IKZF3: variants seen among roughly 807,000 people sequenced by gnomAD.
The protein encoded by IKZF3 is zinc finger protein Aiolos.
IKZF3 carries 10 observed loss-of-function variants against 49.0 expected under a neutral mutation model. That is an observed-to-expected ratio of 0.20 (90% CI 0.13 to 0.35). IKZF3 has a LOEUF of 0.35. Among genes scored for constraint, IKZF3 ranks in the 10% least tolerant of loss-of-function variants. IKZF3 has a pLI of 1.00. For missense variants in IKZF3, 498 were observed against 664.8 expected (o/e 0.75, Z 2.76); for synonymous variants, 209 against 228.2 (o/e 0.92, Z 0.76).
chr17:39,856,967 T>A (rs1215075813), intron 1 of IKZF3, among the ~76,000 whole-genome samples: 1 of 152,128 alleles, frequency 6.6e-6, no homozygotes, highest in Non-Finnish European at 1.5e-5. Flanking sequence ...ACACTGATCA[T>A]CTTCAATACT....
chr17:39,796,703 G>A (rs914424581), intron 3 of IKZF3, among the ~76,000 whole-genome samples: 4 of 151,046 alleles, frequency 2.6e-5, no homozygotes, highest in African/African-American at 9.7e-5. Context: ...ACCACACCTG[G>A]CTATTTTTTT....
At chr17:39,854,475 A>T (rs2062980744) in intron 1 of IKZF3, among the ~76,000 whole-genome samples, 1 of 152,204 alleles carries the variant, frequency 6.6e-6, no homozygotes, top group Non-Finnish European at 1.5e-5. Context: ...ATCCTAGATA[A>T]ATTTGAGTGT....
intron 1 of IKZF3, among the ~76,000 whole-genome samples, chr17:39,842,059 ACCAG>A (rs1568050203): frequency 5.8e-4 from 40 of 68,820 alleles, no homozygotes; most frequent in East Asian, 8.9e-4. Context: ...AAAAAAAAAA[ACCAG>A]ATAAAATATA....
chr17:39,784,409 C>CT (rs35165958), intron 6 of IKZF3, among the ~76,000 whole-genome samples: 15,150 of 144,226 alleles, frequency 0.11, 1,241 homozygotes, highest in East Asian at 0.25. Flanking sequence ...TCACTAGTGT[C>CT]TTTTTTTTTT....
rs1211244204 is a variant in IKZF3 at position 39,791,887 on chromosome 17, C to CTTTT, written c.425-308_425-305dup. Among the ~76,000 whole-genome samples the CTTTT allele has an allele frequency of 1.2e-3, 155 of 126,818 alleles. 3 individuals are homozygous for CTTTT. The highest frequency in any genetic ancestry group is 4.6e-3 in the African/African-American group (150 of 32,534). The allele number at this position is 126,818 out of a possible 152,430, so 83.2% of individuals were successfully genotyped here. On this transcript the variant is annotated intron_variant, in intron 4 of 7. Coordinates refer to ENST00000346872, the MANE Select transcript of IKZF3 (RefSeq NM_012481.5). Reference sequence around the variant, plus strand: ...ATATTACTATATTACTTGGTACTCCCTTTTTTTTTTTTTTTTTTTTTTAGA... The same window carrying CTTTT: ...ATATTACTATATTACTTGGTACTCCCTTTTTTTTTTTTTTTTTTTTTTTTTTAGA...
chr17:39,818,073 GCT>G (rs2061718108), intron 3 of IKZF3, among the ~76,000 whole-genome samples: 1 of 152,116 alleles, frequency 6.6e-6, no homozygotes. Context: ...ACAGCCTATT[GCT>G]CTTAGACTGT....
rs911499160 is a variant in IKZF3 at position 39,758,413 on chromosome 17, C to T, written c.*7377G>A. ...TGGGATCAGTCATTTTTTAGGCTGC[C>T]CCATTTTCCTAACATGTTAAAATGT... On this transcript the variant is annotated 3_prime_UTR_variant, in exon 8 of 8. Transcript: ENST00000346872. The T allele has an allele frequency of 6.6e-5, 10 of 152,090 alleles. No homozygotes were observed. Among genetic ancestry groups the T allele is most frequent in the African/African-American group, 1.9e-4 (8 of 41,370 alleles). The allele number at this position is 152,090 out of a possible 1,614,324, so 9.4% of individuals were successfully genotyped here.
At chr17:39,809,965 A>T (rs2061512920) in intron 3 of IKZF3, among the ~76,000 whole-genome samples, 1 of 152,234 alleles carries the variant, frequency 6.6e-6, no homozygotes, top group Non-Finnish European at 1.5e-5. Context: ...CAAGTTTCTT[A>T]AGACTTTACA....
intron 3 of IKZF3, among the ~76,000 whole-genome samples, chr17:39,807,608 C>A (rs1188555648): frequency 1.7e-5 from 2 of 119,696 alleles, no homozygotes; most frequent in Non-Finnish European, 3.2e-5. Flanking sequence ...GCTACTCGGG[C>A]GGCTGAGGTG....
At chr17:39,776,279 A>G (rs1216700000) in intron 7 of IKZF3, among the ~76,000 whole-genome samples, 1 of 152,196 alleles carries the variant, frequency 6.6e-6, no homozygotes, top group Non-Finnish European at 1.5e-5. Context: ...CTTTCTCCAA[A>G]CTAAAATACA....
chr17:39,831,988 C>T (rs2062121415), intron 2 of IKZF3, 110 bp downstream of exon 2: 1 of 742,068 alleles, frequency 1.3e-6, no homozygotes, highest in Non-Finnish European at 2.2e-6. Context: ...AAAAAAAACA[C>T]ACACACATTT....
chr17:39,848,167 A>C (rs1298794292), intron 1 of IKZF3, among the ~76,000 whole-genome samples: 3 of 152,170 alleles, frequency 2.0e-5, no homozygotes, highest in Non-Finnish European at 4.4e-5. Context: ...AATACAACCA[A>C]GTTACTGTTC....
chr17:39,812,563 T>G (rs1013656040), intron 3 of IKZF3, among the ~76,000 whole-genome samples: 4 of 152,208 alleles, frequency 2.6e-5, no homozygotes, highest in African/African-American at 7.2e-5. Context: ...TATGAGCTGA[T>G]TCTGGCACAC....
Position 39,836,991 on chromosome 17 carries a change from G to C in IKZF3, c.8-4840C>G, listed in dbSNP as rs577981757. Among the ~76,000 whole-genome samples, 3 of 151,996 alleles carry C rather than the reference G, an allele frequency of 2.0e-5. No individual in the cohort carries two copies. In the East Asian group the frequency reaches 5.8e-4, roughly 29 times the overall value. On this transcript the variant is annotated intron_variant, in intron 1 of 7. Coordinates refer to ENST00000346872, the MANE Select transcript of IKZF3 (RefSeq NM_012481.5). Reference sequence around the variant, plus strand: ...TGTGTTGCCAGGCTGGAGTGCAGTGGCACAATCATGGTTCACTGCAGCCTC... The same window carrying C: ...TGTGTTGCCAGGCTGGAGTGCAGTGCCACAATCATGGTTCACTGCAGCCTC...
At chr17:39,828,782 G>C (rs1454763086) in intron 3 of IKZF3, among the ~76,000 whole-genome samples, 2 of 152,116 alleles carry the variant, frequency 1.3e-5, no homozygotes, top group Admixed American at 1.3e-4. Context: ...GCAATCACTT[G>C]AGGTCAGGAG....
chr17:39,856,751 A>T lies in IKZF3; in HGVS notation c.7+7369T>A, dbSNP rs189931426. On this transcript the variant is annotated intron_variant, in intron 1 of 7. Transcript: ENST00000346872. ...AACCTGGGAGGCAGAGGTTGCAATG[A>T]GCCAAGATTGCACCACTGCACTCCA... Among the ~76,000 whole-genome samples, 1,258 of 151,996 alleles carry T rather than the reference A, an allele frequency of 8.3e-3. 15 individuals are homozygous for T. The highest frequency in any genetic ancestry group is 0.029 in the African/African-American group (1,202 of 41,498).
At chr17:39,766,523 G>A (rs984522132) in intron 7 of IKZF3, 30 bp from the exon 8 acceptor site, 1 of 1,550,080 alleles carries the variant, frequency 6.5e-7, no homozygotes, top group South Asian at 1.1e-5. Flanking sequence ...GGGTTACAAA[G>A]GGAACACTGC....
intron 3 of IKZF3, among the ~76,000 whole-genome samples, chr17:39,805,913 C>T (rs539935150): frequency 3.9e-4 from 59 of 152,320 alleles, no homozygotes; most frequent in African/African-American, 1.4e-3. Flanking sequence ...CTAATGATCA[C>T]AGAGAGGTTT....
intron 6 of IKZF3, among the ~76,000 whole-genome samples, chr17:39,785,054 G>C (rs1158106430): frequency 6.6e-6 from 1 of 152,174 alleles, no homozygotes; most frequent in Non-Finnish European, 1.5e-5. Context: ...ACAAGTGACG[G>C]ATGAGGCATA....
Sources: gnomAD v4.1 joint callset for allele counts (sites outside exome capture counted in the v4.1 genomes callset) on GRCh38, gnomAD v4.1.1 for gene constraint, MANE v1.5 for transcripts, NCBI Gene and HGNC (gene_info 2026-07-23, HGNC 2026-07-21) for gene names.